The following HPS1 variants were observed in gnomAD, a reference collection of about 807,000 sequenced individuals.
HPS1 encodes HPS1 biogenesis of lysosomal organelles complex 3 subunit 1.
A neutral mutation model predicts 90.6 loss-of-function variants in HPS1; 59 were observed. The observed-to-expected ratio is 0.65, with a 90% CI of 0.53 to 0.81. The LOEUF (loss-of-function observed/expected upper bound fraction) is 0.81, where lower values mean the gene tolerates loss of function less well. Ranked by LOEUF, HPS1 falls within the 30% of genes least tolerant of loss-of-function variation. The pLI is 0.00. For synonymous variants in HPS1, 388 were observed against 384.4 expected, an observed-to-expected ratio of 1.01 and a Z score of -0.11; for missense variants, 849 against 896.7, an observed-to-expected ratio of 0.95 and a Z score of 0.68.
In HPS1 at chr10:98,429,846, T is replaced by C. The variant is rs768814641; in HGVS notation, c.812A>G (p.Gln271Arg). 1.9e-6 allele frequency: 3 copies of C among 1,613,508 alleles called. No individual in the cohort carries two copies. Among genetic ancestry groups the C allele is most frequent in the Non-Finnish European group, 2.5e-6 (3 of 1,180,014 alleles). ...RARSSQNIPV[Q>R]QAWSPHSTGP... ...CGTGGAGTGAGGGCTCCAGGCCTGC[T>C]GCACGGGGATGTTCTGGCTGCTCCG... Residue 271 changes from glutamine to arginine, a missense_variant, in exon 9 of 20, where the codon CAG becomes CGG. Gln to Arg is a conservative substitution (Grantham distance 43, BLOSUM62 1). Coordinates refer to ENST00000361490, the MANE Select transcript of HPS1 (RefSeq NM_000195.5).
intron 10 of HPS1, 60 bp from the exon 11 acceptor site, chr10:98,427,324 A>C: frequency 4.9e-6 from 7 of 1,415,894 alleles, no homozygotes; most frequent in South Asian, 1.2e-5. Context: ...GCAATGGCTC[A>C]ACAGCATGGG....
chr10:98,434,767 GTAT>G (rs1847058559), intron 5 of HPS1, among the ~76,000 whole-genome samples: 1 of 152,074 alleles, frequency 6.6e-6, no homozygotes, highest in Admixed American at 6.5e-5. Context: ...CCACCTCAGT[GTAT>G]ACTCTGAACC....
In HPS1 at chr10:98,429,905, G is replaced by A. The variant is rs1265938318; in HGVS notation, c.769-16C>T. On this transcript the variant is annotated splice_polypyrimidine_tract_variant and intron_variant, in intron 8 of 19. Transcript: ENST00000361490. ...GCGGGGAAGGCTGTGCAGGGCAGGG[G>A]AGAGGCTGGTTAGCTCCTATCTGAC... is the stretch of plus-strand genomic sequence containing the variant. The A allele has an allele frequency of 6.2e-7, 1 of 1,605,224 alleles. No individual in the cohort carries two copies. Among genetic ancestry groups the A allele is most frequent in the Non-Finnish European group, 8.5e-7 (1 of 1,178,062 alleles).
chr10:98,435,400 C>G lies in HPS1; in HGVS notation c.270G>C (p.Leu90=). The change falls in exon 5 of 20, where the codon CTG becomes CTC. Residue 90 remains leucine, a synonymous_variant. Coordinates refer to ENST00000361490, the MANE Select transcript of HPS1 (RefSeq NM_000195.5). The surrounding 1 kb of genome is among the most constrained non-coding windows in gnomAD (Gnocchi z 4.3). Reference sequence around the variant, plus strand: ...TGTGGTCACCATTGATGGCAATGAACAGGCATTCTCCAAACTGCAGGCACA... The same window carrying G: ...TGTGGTCACCATTGATGGCAATGAAGAGGCATTCTCCAAACTGCAGGCACA... ...LYVLHLFGEC[L]FIAINGDHTE... 1 of 1,613,950 alleles carries G rather than the reference C, an allele frequency of 6.2e-7. No individual in the cohort carries two copies.
At chr10:98,442,355 G>GTTTGAGGTGGTAGA (rs1303419090) in intron 3 of HPS1, 1 of 152,428 alleles carries the variant, frequency 6.6e-6, no homozygotes, top group Admixed American at 6.5e-5. Context: ...GATTACAAAT[G>GTTTGAGGTGGTAGA]TTTGAGGTGG....
chr10:98,425,757 GC>G, intron 12 of HPS1, 37 bp from the exon 13 acceptor site: 3 of 1,598,446 alleles, frequency 1.9e-6, no homozygotes, highest in South Asian at 2.2e-5. Context: ...GAACGGGGCT[GC>G]CCCTGGGGAA....
intron 6 of HPS1, among the ~76,000 whole-genome samples, chr10:98,432,542 C>G (rs1452093576): frequency 6.6e-6 from 1 of 152,194 alleles, no homozygotes; most frequent in Non-Finnish European, 1.5e-5. Flanking sequence ...CTAGCTATGT[C>G]TCATCTGCTA....
In HPS1 at chr10:98,446,794, CT is replaced by C. The variant is rs1294097980; in HGVS notation, c.-106+12del. On this transcript the variant is annotated intron_variant, in intron 1 of 19. Coordinates refer to ENST00000361490, the MANE Select transcript of HPS1 (RefSeq NM_000195.5). ...TAGGAGTGGGCCCGCTCCGGGACCC[CT>C]AGGGACCCTACCTCACTTCCGGGAG... The C allele has an allele frequency of 5.3e-5, 8 of 152,206 alleles. No homozygotes were observed. The highest frequency in any genetic ancestry group is 9.6e-5 in the African/African-American group (4 of 41,462). 9.4% of individuals were successfully genotyped at this position (152,206 alleles called of 1,614,324 possible).
chr10:98,441,787 T>G (rs1564872214), intron 3 of HPS1, among the ~76,000 whole-genome samples: 1 of 152,198 alleles, frequency 6.6e-6, no homozygotes, highest in Admixed American at 6.5e-5. Flanking sequence ...ACAGTGAGAT[T>G]CTAGTGAACA....
At chr10:98,423,521 C>T in intron 16 of HPS1, 82 bp downstream of exon 16, 1 of 1,285,322 alleles carries the variant, frequency 7.8e-7, no homozygotes. Context: ...CCCTGGGGCC[C>T]ATAGTCCCTC....
At chr10:98,421,971 C>A (rs1477435275) in intron 17 of HPS1, among the ~76,000 whole-genome samples, 5 of 127,808 alleles carry the variant, frequency 3.9e-5, no homozygotes, top group African/African-American at 1.7e-4. Flanking sequence ...AAAGAACACA[C>A]ACACACAGAC....
rs547405843 is a variant in HPS1, at chr10:98,434,070, C to A, written c.420G>T (p.Ala140=). The A allele has an allele frequency of 7.7e-6, 12 of 1,550,740 alleles. No individual in the cohort carries two copies. In the African/African-American group the frequency reaches 9.6e-5, roughly 12 times the overall value. The change falls in exon 6 of 20, where the codon GCG becomes GCT. Residue 140 remains alanine, a synonymous_variant. Transcript: ENST00000361490. Reference sequence around the variant, plus strand: ...AGTGCTCCCACAGCTGGACACGCTGCGCCAGGTCTGGGGGCCGCAGCCTGG... The same window carrying A: ...AGTGCTCCCACAGCTGGACACGCTGAGCCAGGTCTGGGGGCCGCAGCCTGG... ...IRKELRPPDL[A]QRVQLWEHFQ... is the part of the protein sequence containing the mutation.
chr10:98,440,239 A>T (rs1438780371), intron 3 of HPS1, among the ~76,000 whole-genome samples: 1 of 152,232 alleles, frequency 6.6e-6, no homozygotes, highest in Non-Finnish European at 1.5e-5. Flanking sequence ...AAAGTAGTAC[A>T]ATATCTTTGA....
chr10:98,431,307 AG>A lies in HPS1; in HGVS notation c.508-17del, dbSNP rs751165364. 1 of 1,612,664 alleles carries A rather than the reference AG, an allele frequency of 6.2e-7. No homozygotes were observed. The highest frequency in any genetic ancestry group is 8.5e-7 in the Non-Finnish European group (1 of 1,179,808). ...GCTCCAGGGCCTAGCCAGGGCAGGA[AG>A]GGAGAGGAAGCCATATCACCAACAA... On this transcript the variant is annotated splice_polypyrimidine_tract_variant and intron_variant, in intron 6 of 19. Transcript: ENST00000361490.
chr10:98,429,514 T>C (rs754107454), intron 10 of HPS1, 59 bp downstream of exon 10: 11 of 1,613,262 alleles, frequency 6.8e-6, no homozygotes, highest in Non-Finnish European at 6.8e-6. Flanking sequence ...ACAGATGTCC[T>C]GGGCTGCCTG....
chr10:98,427,480 G>A (rs1266234417), intron 10 of HPS1, among the ~76,000 whole-genome samples: 2 of 152,222 alleles, frequency 1.3e-5, no homozygotes, highest in South Asian at 4.1e-4. Context: ...GGCGGCCTGG[G>A]CCTGGCAGAG....
At position 98,440,622 on chromosome 10, in the gene HPS1, G is replaced by C. The variant is rs138602005; in HGVS notation, c.117+2502C>G. 5.4e-3 allele frequency among the ~76,000 whole-genome samples: 813 copies of C among 151,958 alleles called. 5 individuals are homozygous for C. The highest frequency in any genetic ancestry group is 0.017 in the African/African-American group (707 of 41,478). On this transcript the variant is annotated intron_variant, in intron 3 of 19. Transcript: ENST00000361490. ...GTATATTAAAAAGCTAATAGCTCTGGGTCATGGAATTATAGGTCATTTAAA... is the reference window on the plus strand; with the variant it reads ...GTATATTAAAAAGCTAATAGCTCTGCGTCATGGAATTATAGGTCATTTAAA...
intron 6 of HPS1, among the ~76,000 whole-genome samples, chr10:98,432,066 T>C (rs1320096567): frequency 6.6e-6 from 1 of 152,218 alleles, no homozygotes; most frequent in Non-Finnish European, 1.5e-5. Flanking sequence ...CAGATCTAAA[T>C]ATAGAGTTTT....
downstream of HPS1, chr10:98,414,141 G>A (rs890597752): frequency 6.6e-6 from 1 of 151,756 alleles, no homozygotes; most frequent in African/African-American, 2.4e-5. Flanking sequence ...TTTTTCCCTG[G>A]AGAGGTGAGT....
Sources: gnomAD v4.1 joint callset for allele counts (sites outside exome capture counted in the v4.1 genomes callset) on GRCh38, gnomAD v4.1.1 for gene constraint, Gnocchi (gnomAD v3.1) non-coding constraint, MANE v1.5 for transcripts, NCBI Gene and HGNC (gene_info 2026-07-23, HGNC 2026-07-21) for gene names.